Variants in TPO observed in about 807,000 individuals in gnomAD.
TPO encodes thyroid microsomal antigen.
Under a neutral mutation model 96.9 loss-of-function variants are expected in TPO, and 78 were observed. The observed-to-expected ratio is 0.81, with a 90% CI of 0.67 to 0.97. TPO has a LOEUF of 0.97. Ranked by LOEUF, TPO falls within the 50% of genes least tolerant of loss-of-function variation. The pLI, the probability that TPO is intolerant of heterozygous loss-of-function variation, is 0.00. For synonymous variants in TPO, 547 were observed against 538.0 expected, an observed-to-expected ratio of 1.02 and a Z score of -0.23; for missense variants, 1,252 against 1,274.8, an observed-to-expected ratio of 0.98 and a Z score of 0.27.
chr2:1,451,970 C>A (rs1667341620), intron 5 of TPO, among the ~76,000 whole-genome samples: 1 of 152,010 alleles, frequency 6.6e-6, no homozygotes, highest in Non-Finnish European at 1.5e-5. Context: ...TTTACCTATC[C>A]TCTACAGATA....
At chr2:1,492,083 C>A (rs1427696579) in intron 10 of TPO, among the ~76,000 whole-genome samples, 1 of 152,180 alleles carries the variant, frequency 6.6e-6, no homozygotes, top group African/African-American at 2.4e-5. Context: ...TGAGGGTGAA[C>A]CAGGGAGCCA....
intron 3 of TPO, among the ~76,000 whole-genome samples, chr2:1,430,138 GGAGGAAAGAATGA>G (rs1664831582): frequency 6.6e-6 from 1 of 152,190 alleles, no homozygotes; most frequent in African/African-American, 2.4e-5. Context: ...CAGAGATCTA[GGAGGAAAGAATGA>G]CTTCAGAGTC....
At chr2:1,503,844 G>A in intron 13 of TPO, 104 bp from the exon 14 acceptor site, 1 of 1,601,318 alleles carries the variant, frequency 6.2e-7, no homozygotes, top group Non-Finnish European at 8.5e-7. Flanking sequence ...GCAGGCAAAG[G>A]GCTGACCTCC....
At position 1,454,490 on chromosome 2, in the gene TPO, G is replaced by A. The variant is rs998229920; in HGVS notation, c.612+667G>A. Among the ~76,000 whole-genome samples the A allele has an allele frequency of 2.6e-5, 4 of 152,248 alleles. No homozygotes were observed. In the East Asian group the frequency reaches 7.7e-4, roughly 29 times the overall value. On this transcript the variant is annotated intron_variant, in intron 6 of 16. Coordinates refer to ENST00000329066, the MANE Select transcript of TPO (RefSeq NM_001206744.2). The stretch of plus-strand genomic sequence containing the variant: ...TACAAAAGCCAACAACTTTACCTAG[G>A]CAATTTTCCTAGGCGGGCTTTTAGT...
intron 5 of TPO, among the ~76,000 whole-genome samples, chr2:1,442,783 A>G (rs1666322113): frequency 6.6e-6 from 1 of 152,246 alleles, no homozygotes; most frequent in South Asian, 2.1e-4. Context: ...TAGGGTTGTC[A>G]TGAGGCTGAA....
intron 15 of TPO, among the ~76,000 whole-genome samples, chr2:1,536,821 C>T (rs1269745166): frequency 4.4e-5 from 3 of 68,404 alleles, no homozygotes; most frequent in Admixed American, 1.8e-4. Context: ...CAAATCCCCC[C>T]CACTGTGTGC....
At chr2:1,447,846 C>T (rs879707565) in intron 5 of TPO, among the ~76,000 whole-genome samples, 7 of 152,042 alleles carry the variant, frequency 4.6e-5, no homozygotes, top group Non-Finnish European at 1.5e-5. Flanking sequence ...TGTGTGTGGG[C>T]GAGGACTGCT....
At chr2:1,541,138 T>C (rs753565032) in intron 16 of TPO, 829 of 1,184,270 alleles carry the variant, frequency 7.0e-4, no homozygotes, top group Non-Finnish European at 8.4e-4. Flanking sequence ...TTACCTTGTA[T>C]GCAGAACCCC....
Position 1,423,417 on chromosome 2 carries a change from T to C in TPO, c.179+288T>C, listed in dbSNP as rs554478888. Among the ~76,000 whole-genome samples, 395 of 152,238 alleles carry C rather than the reference T, an allele frequency of 2.6e-3. 3 individuals are homozygous for C. Among genetic ancestry groups the C allele is most frequent in the African/African-American group, 9.1e-3 (376 of 41,536 alleles). On this transcript the variant is annotated intron_variant, in intron 3 of 16. Transcript: ENST00000329066. ...TGACGTCCTGATAGCAAAACCAGCC[T>C]CTCTTCTCCAGGATTAGGACAGATT...
At chr2:1,540,451 CTGAAGTGTGAAATGAAAGTGGGT>C in intron 15 of TPO, 120 bp from the exon 16 acceptor site, 4 of 1,573,672 alleles carry the variant, frequency 2.5e-6, no homozygotes, top group Non-Finnish European at 3.4e-6. Context: ...ATCGACTTGA[CTGAAGTGTGAAATGAAAGTGGGT>C]TGGAGTGTTC....
At chr2:1,385,054 G>A (rs1350944310) in intron 1 of TPO, among the ~76,000 whole-genome samples, 3 of 152,212 alleles carry the variant, frequency 2.0e-5, no homozygotes, top group African/African-American at 2.4e-5. Flanking sequence ...GCATCCCAGG[G>A]ATGAAGCCCA....
At chr2:1,443,369 C>A (rs1414105594) in intron 5 of TPO, among the ~76,000 whole-genome samples, 3 of 149,616 alleles carry the variant, frequency 2.0e-5, no homozygotes, top group Non-Finnish European at 4.4e-5. Context: ...GGGAATGGGG[C>A]AGGCTCCTTC....
At chr2:1,505,703 T>C (rs1673372905) in intron 14 of TPO, among the ~76,000 whole-genome samples, 2 of 151,830 alleles carry the variant, frequency 1.3e-5, no homozygotes, top group Non-Finnish European at 2.9e-5. Context: ...TTGCTGCACC[T>C]ATTGACCCAT....
intron 7 of TPO, among the ~76,000 whole-genome samples, chr2:1,467,379 C>T (rs555369812): frequency 6.6e-6 from 1 of 152,274 alleles, no homozygotes; most frequent in East Asian, 1.9e-4. Context: ...GCTGGGATTA[C>T]AGGCATGAGC....
intron 9 of TPO, among the ~76,000 whole-genome samples, 192 bp from the exon 10 acceptor site, chr2:1,487,629 C>T (rs528849346): frequency 1.3e-5 from 2 of 152,068 alleles, no homozygotes; most frequent in South Asian, 2.1e-4. Flanking sequence ...CCCAATTACT[C>T]GGGAGGCTGA....
intron 15 of TPO, among the ~76,000 whole-genome samples, chr2:1,522,955 T>TC (rs1014395300): frequency 1.9e-5 from 2 of 103,646 alleles, no homozygotes; most frequent in Non-Finnish European, 3.8e-5. Context: ...CTCCCCAAAT[T>TC]CCCCCCACTG....
At chr2:1,467,273 T>G (rs1668990677) in intron 7 of TPO, among the ~76,000 whole-genome samples, 1 of 151,992 alleles carries the variant, frequency 6.6e-6, no homozygotes, top group Non-Finnish European at 1.5e-5. Flanking sequence ...CCAGCTAATC[T>G]TTTGTATTTT....
chr2:1,433,395 C>G (rs1665226994), intron 3 of TPO, 43 bp from the exon 4 acceptor site: 1 of 1,608,076 alleles, frequency 6.2e-7, no homozygotes, highest in Non-Finnish European at 8.5e-7. Context: ...CCAAAGATAC[C>G]ATAGACAAAT....
At chr2:1,518,524 A>G (rs573718223) in intron 15 of TPO, among the ~76,000 whole-genome samples, 6 of 152,280 alleles carry the variant, frequency 3.9e-5, no homozygotes, top group Middle Eastern at 3.4e-3. Flanking sequence ...CCAGTTCCCC[A>G]TTTCAGTTAT....
Sources: gnomAD v4.1 joint callset for allele counts (sites outside exome capture counted in the v4.1 genomes callset) on GRCh38, gnomAD v4.1.1 for gene constraint, MANE v1.5 for transcripts, NCBI Gene and HGNC (gene_info 2026-07-23, HGNC 2026-07-21) for gene names.